PRKCB: variants seen among roughly 807,000 people sequenced by gnomAD.
PRKCB encodes the protein protein kinase C beta type.
In PRKCB, 13 loss-of-function variants were observed where a neutral mutation model predicts 81.5. That is an observed-to-expected ratio of 0.16 (90% CI 0.10 to 0.25). PRKCB has a LOEUF of 0.25. Ranked by LOEUF, PRKCB falls within the 10% of genes least tolerant of loss-of-function variation. PRKCB has a pLI of 1.00. For synonymous variants in PRKCB, 335 were observed against 321.4 expected, an observed-to-expected ratio of 1.04 and a Z score of -0.45; for missense variants, 509 against 875.7, an observed-to-expected ratio of 0.58 and a Z score of 5.29.
intron 10 of PRKCB, among the ~76,000 whole-genome samples, chr16:24,165,883 CTTTTTTTTTTTT>C (rs71154285): frequency 5.3e-5 from 5 of 94,004 alleles, no homozygotes; most frequent in Non-Finnish European, 8.6e-5. Flanking sequence ...TTCTTTCTTT[CTTTTTTTTTTTT>C]TTTTTTTTTT....
rs1567298736 is a variant in PRKCB at position 23,875,748 on chromosome 16, A to ACACATATGTATGTATGTATAT, written c.205+38349_205+38350insGTATGTATGTATATCACATAT. Reference sequence around the variant, plus strand: ...TCACACATATATATGTATGTATATCACACATATATGTATGTATATCACACA... The same window carrying ACACATATGTATGTATGTATAT: ...TCACACATATATATGTATGTATATCACACATATGTATGTATGTATATCACATATATGTATGTATATCACACA... On this transcript the variant is annotated intron_variant, in intron 2 of 16. Coordinates refer to ENST00000643927, the MANE Select transcript of PRKCB (RefSeq NM_002738.7). Among the ~76,000 whole-genome samples, 87 of 52,816 alleles carry ACACATATGTATGTATGTATAT rather than the reference A, an allele frequency of 1.6e-3. 7 individuals are homozygous for ACACATATGTATGTATGTATAT. Among genetic ancestry groups the ACACATATGTATGTATGTATAT allele is most frequent in the African/African-American group, 6.4e-3 (81 of 12,632 alleles). The allele number at this position is 52,816 out of a possible 152,430, so 34.6% of individuals were successfully genotyped here. A position where few individuals can be genotyped will look rare whatever the true frequency, so the allele number is the denominator to read the frequency against.
intron 5 of PRKCB, among the ~76,000 whole-genome samples, chr16:24,073,341 T>C (rs1966138109): frequency 6.6e-6 from 1 of 152,204 alleles, no homozygotes; most frequent in Non-Finnish European, 1.5e-5. Context: ...CATTTTTATT[T>C]ATTTCTTAGA....
intron 2 of PRKCB, among the ~76,000 whole-genome samples, chr16:23,899,313 T>A (rs963337140): frequency 6.6e-6 from 1 of 152,190 alleles, no homozygotes; most frequent in Admixed American, 6.5e-5. Flanking sequence ...AGGTAATAAT[T>A]ATCAAGGACA....
chr16:24,071,384 G>A (rs973613676), intron 5 of PRKCB, among the ~76,000 whole-genome samples: 4 of 145,934 alleles, frequency 2.7e-5, no homozygotes, highest in African/African-American at 7.7e-5. Context: ...CGGGTGGATC[G>A]CTTGAGCTCA....
At chr16:24,011,234 A>G (rs953724909) in intron 3 of PRKCB, among the ~76,000 whole-genome samples, 10 of 152,128 alleles carry the variant, frequency 6.6e-5, no homozygotes, top group African/African-American at 9.6e-5. Context: ...CCTTCCCACA[A>G]TTCCAGTCTC....
rs372106625 is a variant in PRKCB at position 24,077,307 on chromosome 16, G to A, written c.530-15484G>A. On this transcript the variant is annotated intron_variant, in intron 5 of 16. Coordinates refer to ENST00000643927, the MANE Select transcript of PRKCB (RefSeq NM_002738.7). ...AATTATGATAATAAGAAAATGGAAA[G>A]GATGCCAGTTTCCTTCCAGCTAGTT... Among the ~76,000 whole-genome samples, 15 of 152,176 alleles carry A rather than the reference G, an allele frequency of 9.9e-5. 3 individuals are homozygous for A. Among genetic ancestry groups the A allele is most frequent in the Admixed American group, 3.3e-4 (5 of 15,278 alleles).
At chr16:24,019,206 G>A (rs1321615385) in intron 3 of PRKCB, among the ~76,000 whole-genome samples, 1 of 148,074 alleles carries the variant, frequency 6.8e-6, no homozygotes, top group Non-Finnish European at 1.5e-5. Context: ...TGCCAGAGGT[G>A]TAATTAAGAG....
chr16:24,096,618 G>C (rs1026950697), intron 7 of PRKCB, among the ~76,000 whole-genome samples: 6 of 136,098 alleles, frequency 4.4e-5, no homozygotes, highest in Non-Finnish European at 9.2e-5. Context: ...TGTCTCCTTT[G>C]TCCTGAAGAT....
chr16:23,910,920 T>C (rs1460383919), intron 2 of PRKCB, among the ~76,000 whole-genome samples: 1 of 152,058 alleles, frequency 6.6e-6, no homozygotes, highest in Non-Finnish European at 1.5e-5. Context: ...AATAGAATCA[T>C]ACAATGAATG....
intron 2 of PRKCB, chr16:23,963,599 G>T (rs969138806): frequency 1.3e-5 from 2 of 152,164 alleles, no homozygotes; most frequent in Non-Finnish European, 2.9e-5. Context: ...CTGGGTGCTG[G>T]AACCAACCCT....
intron 16 of PRKCB, among the ~76,000 whole-genome samples, chr16:24,210,402 A>G (rs1968121130): frequency 6.6e-6 from 1 of 151,706 alleles, no homozygotes; most frequent in Non-Finnish European, 1.5e-5. Flanking sequence ...CCGACATCCA[A>G]AGGGCACCCT....
chr16:23,976,701 T>C (rs1270501930), intron 2 of PRKCB, among the ~76,000 whole-genome samples: 1 of 152,196 alleles, frequency 6.6e-6, no homozygotes, highest in Non-Finnish European at 1.5e-5. Context: ...GAGATATTGA[T>C]GTGTCATCCC....
intron 12 of PRKCB, chr16:24,174,943 C>G (rs1043522056): frequency 1.0e-5 from 2 of 200,344 alleles, no homozygotes; most frequent in Non-Finnish European, 2.0e-5. Flanking sequence ...TGTGATGGAT[C>G]ACATTATTAT....
At chr16:23,892,232 AT>A (rs11331567) in intron 2 of PRKCB, among the ~76,000 whole-genome samples, 146,495 of 152,146 alleles carry the variant, frequency 0.96, 70,572 homozygotes, top group East Asian at 1. Context: ...GAAAACTTAC[AT>A]TTTTTTTCTC....
Position 24,027,649 on chromosome 16 carries a change from T to A in PRKCB, c.289-4487T>A, listed in dbSNP as rs1965498585. On this transcript the variant is annotated intron_variant, in intron 3 of 16. Transcript: ENST00000643927. ...ACTTCATCTGCCTGACTGCAGAGGG[T>A]GGGAACGTTGTGAAAGAAACTTTGT... 3.3e-5 allele frequency among the ~76,000 whole-genome samples: 5 copies of A among 152,198 alleles called. No homozygotes were observed. The South Asian group carries it at 1.0e-3, about 32-fold the overall frequency.
In PRKCB at chr16:23,992,899, C is replaced by CT. The variant is rs1033672983; in HGVS notation, c.288+4317dup. 6.6e-4 allele frequency among the ~76,000 whole-genome samples: 101 copies of CT among 152,070 alleles called. 1 individual carries two copies. Among genetic ancestry groups the CT allele is most frequent in the Admixed American group, 5.4e-3 (83 of 15,278 alleles). ...ATTGAGCCCCTAAATTCTGACAAGTCTTTTTTTTACCAGTGGAAGTGGCCT... is the reference window on the plus strand; with the variant it reads ...ATTGAGCCCCTAAATTCTGACAAGTCTTTTTTTTTACCAGTGGAAGTGGCCT... On this transcript the variant is annotated intron_variant, in intron 3 of 16. Transcript: ENST00000643927.
At chr16:24,012,252 T>C (rs1965213536) in intron 3 of PRKCB, among the ~76,000 whole-genome samples, 1 of 152,246 alleles carries the variant, frequency 6.6e-6, no homozygotes, top group East Asian at 1.9e-4. Context: ...AAGTGATTGA[T>C]ATATGCTAAC....
intron 2 of PRKCB, among the ~76,000 whole-genome samples, chr16:23,971,681 C>T (rs1964559009): frequency 6.6e-6 from 1 of 152,206 alleles, no homozygotes; most frequent in Non-Finnish European, 1.5e-5. Flanking sequence ...TCCTCTCTTA[C>T]TTGCCCCTGT....
chr16:23,936,583 T>G (rs1964061567), intron 2 of PRKCB, among the ~76,000 whole-genome samples: 1 of 39,490 alleles, frequency 2.5e-5, no homozygotes, highest in Admixed American at 3.7e-4. Flanking sequence ...CAACTAATTT[T>G]TTTTTTTTTT....
Sources: gnomAD v4.1 joint callset for allele counts (sites outside exome capture counted in the v4.1 genomes callset) on GRCh38, gnomAD v4.1.1 for gene constraint, MANE v1.5 for transcripts, NCBI Gene and HGNC (gene_info 2026-07-23, HGNC 2026-07-21) for gene names.